Variants in VAT1L observed in about 807,000 individuals in gnomAD.
VAT1L encodes the protein putative NADPH-dependent quinone oxidoreductase VAT1L.
VAT1L carries 34 observed loss-of-function variants against 44.1 expected under a neutral mutation model. That is an observed-to-expected ratio of 0.77 (90% CI 0.59 to 1.03). The LOEUF (loss-of-function observed/expected upper bound fraction) is 1.03, where lower values mean the gene tolerates loss of function less well. Among genes scored for constraint, VAT1L ranks in the 50% least tolerant of loss-of-function variants. The probability of loss-of-function intolerance (pLI) is 0.00; values close to 1 mark genes in which losing one functional copy is unlikely to be tolerated. For missense variants in VAT1L, 615 were observed against 538.8 expected, an observed-to-expected ratio of 1.14 and a Z score of -1.40; for synonymous variants, 253 against 202.2, an observed-to-expected ratio of 1.25 and a Z score of -2.13.
intron 7 of VAT1L, among the ~76,000 whole-genome samples, chr16:77,899,697 G>A (rs758686137): frequency 3.3e-5 from 5 of 152,350 alleles, no homozygotes; most frequent in Non-Finnish European, 7.3e-5. Flanking sequence ...GGGATGTGGT[G>A]ATTGAGCTCT....
intron 7 of VAT1L, among the ~76,000 whole-genome samples, chr16:77,940,040 C>G (rs1031665321): frequency 6.6e-6 from 1 of 152,134 alleles, no homozygotes; most frequent in African/African-American, 2.4e-5. Context: ...CAGAAATTTT[C>G]CAAGGCAGGA....
intron 1 of VAT1L, chr16:77,801,294 C>T (rs906058401): frequency 3.9e-5 from 6 of 152,262 alleles, no homozygotes; most frequent in African/African-American, 1.4e-4. Flanking sequence ...GGCTTCAAAA[C>T]AGGATTACGT....
In VAT1L at chr16:77,884,129, T is replaced by A. The variant is rs191900195; in HGVS notation, c.883-479T>A. On this transcript the variant is annotated intron_variant, in intron 6 of 8. Coordinates refer to ENST00000302536, the MANE Select transcript of VAT1L (RefSeq NM_020927.3). The surrounding 1 kb of genome is among the most constrained non-coding windows in gnomAD (Gnocchi z 4.5). ...CTCATAAGCATCAATGTCTATTGCT[T>A]CCCATGCACTTGCAACAGTGCCTAG... Among the ~76,000 whole-genome samples, 2 of 152,110 alleles carry A rather than the reference T, an allele frequency of 1.3e-5. No individual in the cohort carries two copies. The highest frequency in any genetic ancestry group is 6.5e-5 in the Admixed American group (1 of 15,274).
At chr16:77,843,266 C>T (rs559043639) in intron 3 of VAT1L, among the ~76,000 whole-genome samples, 1 of 152,176 alleles carries the variant, frequency 6.6e-6, no homozygotes, top group Admixed American at 6.5e-5. Flanking sequence ...TCATGTTGGC[C>T]TCCGAGAAGC....
At chr16:77,789,202 G>A (rs1189258456) in intron 1 of VAT1L, among the ~76,000 whole-genome samples, 1 of 152,218 alleles carries the variant, frequency 6.6e-6, no homozygotes, top group Non-Finnish European at 1.5e-5. Context: ...CGCTACGGGA[G>A]TTCTCCGTCT....
intron 7 of VAT1L, among the ~76,000 whole-genome samples, chr16:77,906,351 T>C (rs1181735925): frequency 6.6e-6 from 1 of 152,162 alleles, no homozygotes; most frequent in African/African-American, 2.4e-5. Flanking sequence ...TCAAAGACGA[T>C]GTTGTGCTTG....
chr16:77,944,077 T>A (rs1375256426), intron 7 of VAT1L, among the ~76,000 whole-genome samples: 1 of 152,160 alleles, frequency 6.6e-6, no homozygotes, highest in East Asian at 1.9e-4. Context: ...CAGCTGGCAA[T>A]GTCCGGAGAC....
At chr16:77,849,816 C>G (rs1394038999) in intron 3 of VAT1L, among the ~76,000 whole-genome samples, 1 of 152,196 alleles carries the variant, frequency 6.6e-6, no homozygotes, top group Non-Finnish European at 1.5e-5. Flanking sequence ...TGTGATGGGT[C>G]CTGTCCCGCC....
chr16:77,839,895 C>A (rs2016687045), intron 3 of VAT1L, among the ~76,000 whole-genome samples: 1 of 152,174 alleles, frequency 6.6e-6, no homozygotes, highest in African/African-American at 2.4e-5. Flanking sequence ...TCTTCAATGT[C>A]AACCCTGAAT....
chr16:77,833,708 A>G (rs1004166825), intron 3 of VAT1L, among the ~76,000 whole-genome samples: 4 of 151,920 alleles, frequency 2.6e-5, no homozygotes, highest in Non-Finnish European at 5.9e-5. Flanking sequence ...CCGGGATCAC[A>G]CCATTGCACT....
intron 7 of VAT1L, among the ~76,000 whole-genome samples, chr16:77,898,208 C>T (rs937905535): frequency 7.2e-5 from 11 of 152,168 alleles, no homozygotes; most frequent in Non-Finnish European, 1.6e-4. Flanking sequence ...GATTAGGGCC[C>T]ACCCTACTTC....
intron 1 of VAT1L, among the ~76,000 whole-genome samples, chr16:77,812,378 C>A (rs556248766): frequency 6.6e-6 from 1 of 152,054 alleles, no homozygotes; most frequent in Non-Finnish European, 1.5e-5. Flanking sequence ...CTGCCGTTCC[C>A]GAATCTTAAA....
intron 7 of VAT1L, among the ~76,000 whole-genome samples, chr16:77,896,178 A>T (rs369518): frequency 6.6e-6 from 1 of 151,950 alleles, no homozygotes; most frequent in East Asian, 1.9e-4. Flanking sequence ...TGAGACTCTG[A>T]GCCTCCCTGC....
chr16:77,917,657 T>C (rs540732859), intron 7 of VAT1L, among the ~76,000 whole-genome samples: 2 of 152,244 alleles, frequency 1.3e-5, no homozygotes, highest in African/African-American at 4.8e-5. Flanking sequence ...TGGTAGAGGA[T>C]GGAGTAGCGA....
chr16:77,971,207 T>C (rs2018274536), intron 7 of VAT1L, among the ~76,000 whole-genome samples: 2 of 152,128 alleles, frequency 1.3e-5, no homozygotes, highest in Non-Finnish European at 2.9e-5. Context: ...AAAAGGCAAA[T>C]TGGATTCTGC....
At chr16:77,911,777 C>A (rs902821060) in intron 7 of VAT1L, among the ~76,000 whole-genome samples, 8 of 152,088 alleles carry the variant, frequency 5.3e-5, no homozygotes, top group African/African-American at 1.9e-4. Context: ...AAAGGGACTC[C>A]CCAGGGAGTG....
chr16:77,844,570 G>A (rs1567485296), intron 3 of VAT1L, among the ~76,000 whole-genome samples: 1 of 151,984 alleles, frequency 6.6e-6, no homozygotes, highest in Non-Finnish European at 1.5e-5. Context: ...CACCACGCCT[G>A]GCTACTTTTT....
At chr16:77,822,853 G>C (rs2016474631) in intron 2 of VAT1L, among the ~76,000 whole-genome samples, 1 of 152,148 alleles carries the variant, frequency 6.6e-6, no homozygotes, top group Non-Finnish European at 1.5e-5. Context: ...ATTTGATTCT[G>C]TGGTTCAGGT....
intron 7 of VAT1L, among the ~76,000 whole-genome samples, chr16:77,912,313 G>C (rs532506018): frequency 2.6e-5 from 4 of 152,308 alleles, no homozygotes; most frequent in Admixed American, 2.6e-4. Flanking sequence ...GCCTGGGATT[G>C]AGTCTTTCAT....
Sources: gnomAD v4.1 joint callset for allele counts (sites outside exome capture counted in the v4.1 genomes callset) on GRCh38, gnomAD v4.1.1 for gene constraint, Gnocchi (gnomAD v3.1) non-coding constraint, MANE v1.5 for transcripts, NCBI Gene and HGNC (gene_info 2026-07-23, HGNC 2026-07-21) for gene names.